The following TLK1 variants were observed in gnomAD, a reference collection of about 807,000 sequenced individuals.
The protein encoded by TLK1 is serine/threonine-protein kinase tousled-like 1.
In TLK1, 24 loss-of-function variants were observed where a neutral mutation model predicts 105.3. The ratio of observed to expected loss-of-function variants is 0.23; its 90% CI spans 0.17 to 0.32. TLK1 has a LOEUF of 0.32. TLK1 is among the 10% of genes least tolerant of loss of function. The pLI, the probability that TLK1 is intolerant of heterozygous loss-of-function variation, is 1.00. For synonymous variants in TLK1, 321 were observed against 310.4 expected (o/e 1.03, Z -0.36); for missense variants, 558 against 910.5 (o/e 0.61, Z 4.98).
intron 3 of TLK1, among the ~76,000 whole-genome samples, chr2:171,066,463 A>T (rs977327770): frequency 6.6e-6 from 1 of 152,208 alleles, no homozygotes; most frequent in African/African-American, 2.4e-5. Context: ...AAAGTATGCC[A>T]CCTCATACAT....
At chr2:171,071,722 T>A (rs932895711) in intron 3 of TLK1, among the ~76,000 whole-genome samples, 1 of 152,222 alleles carries the variant, frequency 6.6e-6, no homozygotes, top group Non-Finnish European at 1.5e-5. Flanking sequence ...CTTTTTAGAT[T>A]TCAGTCTTTA....
intron 2 of TLK1, among the ~76,000 whole-genome samples, chr2:171,096,001 C>T (rs190948460): frequency 7.9e-5 from 12 of 151,368 alleles, no homozygotes; most frequent in East Asian, 5.8e-4. Context: ...AATATAGTAC[C>T]GGAAATCCTA....
At chr2:171,117,984 G>A (rs536482194) in intron 1 of TLK1, 127 bp from the exon 2 acceptor site, 4 of 521,926 alleles carry the variant, frequency 7.7e-6, no homozygotes, top group East Asian at 3.4e-5. Context: ...ACAAGCAGAC[G>A]AAATTGAGAG....
At chr2:171,156,395 T>C (rs937027060) in intron 1 of TLK1, among the ~76,000 whole-genome samples, 1 of 152,226 alleles carries the variant, frequency 6.6e-6, no homozygotes, top group Non-Finnish European at 1.5e-5. Context: ...ATATTTGAAA[T>C]TGTCATTTAA....
rs1305598271 is a variant in TLK1, at chr2:171,037,755, TTG to T, written c.1169+8417_1169+8418del. ...CATTTTTATATATTATATGTTGTGT[TTG>T]TGTTACTATTTTAAGATTTGTGCAT... On this transcript the variant is annotated intron_variant, in intron 11 of 20. Transcript: ENST00000431350. Among the ~76,000 whole-genome samples the T allele has an allele frequency of 5.9e-5, 9 of 152,222 alleles. No homozygotes were observed. In the South Asian group the frequency reaches 1.4e-3, roughly 25 times the overall value.
At chr2:171,168,110 T>C (rs1279143622) in intron 1 of TLK1, among the ~76,000 whole-genome samples, 2 of 152,128 alleles carry the variant, frequency 1.3e-5, no homozygotes, top group African/African-American at 4.8e-5. Flanking sequence ...AGCATAAATT[T>C]TTTTGTAGGC....
intron 8 of TLK1, 33 bp from the exon 9 acceptor site, chr2:171,050,207 G>C (rs780982594): frequency 6.9e-7 from 1 of 1,456,802 alleles, no homozygotes; most frequent in South Asian, 1.3e-5. Flanking sequence ...AAGAGGTCTA[G>C]ACTGGGGAAT....
intron 1 of TLK1, among the ~76,000 whole-genome samples, chr2:171,176,044 C>T (rs756962464): frequency 3.9e-5 from 6 of 152,086 alleles, no homozygotes; most frequent in Non-Finnish European, 7.4e-5. Context: ...TCAAGCGATT[C>T]TCCTGCCTCA....
At chr2:171,061,262 G>T in intron 3 of TLK1, 106 bp from the exon 4 acceptor site, 1 of 891,374 alleles carries the variant, frequency 1.1e-6, no homozygotes, top group Non-Finnish European at 1.7e-6. Context: ...GCATTCAGTA[G>T]TGCTCAAGAG....
rs1182043467 is a variant in TLK1 at position 170,992,407 on chromosome 2, T to C, written c.*1373A>G. 1.3e-5 allele frequency: 2 copies of C among 152,550 alleles called. No individual in the cohort carries two copies. The highest frequency in any genetic ancestry group is 4.8e-5 in the African/African-American group (2 of 41,450). 9.4% of individuals were successfully genotyped at this position (152,550 alleles called of 1,614,324 possible). On this transcript the variant is annotated 3_prime_UTR_variant, in exon 21 of 21. Coordinates refer to ENST00000431350, the MANE Select transcript of TLK1 (RefSeq NM_012290.5). ...AATGTGACAATAAAGAAAAAGTCCT[T>C]ACAGGAGTGAAATACAGCATCCTGA... is the stretch of plus-strand genomic sequence containing the variant.
chr2:171,183,844 T>TAGG lies in TLK1; in HGVS notation c.-6+47298_-6+47300dup, dbSNP rs1482581728. Among the ~76,000 whole-genome samples the TAGG allele has an allele frequency of 2.0e-5, 3 of 152,234 alleles. No homozygotes were observed. In the East Asian group the frequency reaches 5.8e-4, roughly 29 times the overall value. On this transcript the variant is annotated intron_variant, in intron 1 of 20. Coordinates refer to the TLK1 transcript ENST00000521943. ...TTTATTCTTCATTTATGTCATGAAG[T>TAGG]AGGACTCTAAATTAACATTTTTTTC... is the stretch of plus-strand genomic sequence containing the variant.
chr2:171,130,985 T>G (rs563413211), intron 1 of TLK1, among the ~76,000 whole-genome samples: 5 of 151,086 alleles, frequency 3.3e-5, no homozygotes, highest in African/African-American at 1.2e-4. Flanking sequence ...ATCAAAATTT[T>G]AAGATTCTAA....
intron 1 of TLK1, among the ~76,000 whole-genome samples, chr2:171,140,119 A>G (rs58028937): frequency 6.6e-6 from 1 of 152,104 alleles, no homozygotes; most frequent in African/African-American, 2.4e-5. Context: ...TAACCAATTG[A>G]TAATTTAAAC....
At chr2:171,060,084 A>G (rs187505706) in intron 4 of TLK1, 55 of 1,547,364 alleles carry the variant, frequency 3.6e-5, no homozygotes, top group Admixed American at 2.3e-4. Flanking sequence ...TAAAGCAAAT[A>G]TAAGTGAGGA....
intron 1 of TLK1, among the ~76,000 whole-genome samples, chr2:171,128,243 A>T (rs1436564071): frequency 6.6e-6 from 1 of 152,174 alleles, no homozygotes; most frequent in Non-Finnish European, 1.5e-5. Context: ...AAAAATGAAA[A>T]TAATTTAAAT....
chr2:171,011,466 G>T lies in TLK1; in HGVS notation c.1335-12C>A. On this transcript the variant is annotated splice_polypyrimidine_tract_variant and intron_variant, in intron 13 of 20. Transcript: ENST00000431350. ...GGTGATCTTTGAACCTTAGAGGTGG[G>T]GGCAAAAAACAGACATATTAAAACA... The T allele has an allele frequency of 6.3e-7, 1 of 1,599,484 alleles. No individual in the cohort carries two copies. The highest frequency in any genetic ancestry group is 8.5e-7 in the Non-Finnish European group (1 of 1,173,606).
chr2:171,081,699 C>T (rs1688760655), intron 3 of TLK1: 1 of 1,304,254 alleles, frequency 7.7e-7, no homozygotes, highest in Non-Finnish European at 1.0e-6. Flanking sequence ...CAGCTGCCTG[C>T]CAGTTGTTTC....
At chr2:171,129,847 T>TAACAC (rs1427823540) in intron 1 of TLK1, among the ~76,000 whole-genome samples, 7 of 150,832 alleles carry the variant, frequency 4.6e-5, no homozygotes, top group Admixed American at 4.6e-4. Context: ...TAACATAACA[T>TAACAC]AACATAACAT....
intron 1 of TLK1, among the ~76,000 whole-genome samples, chr2:171,146,137 GT>G (rs1691781342): frequency 1.3e-5 from 2 of 152,104 alleles, no homozygotes; most frequent in Non-Finnish European, 2.9e-5. Context: ...TCAGAAAGCA[GT>G]AACTTTTAAA....
Sources: gnomAD v4.1 joint callset for allele counts (sites outside exome capture counted in the v4.1 genomes callset) on GRCh38, gnomAD v4.1.1 for gene constraint, MANE v1.5 for transcripts, NCBI Gene and HGNC (gene_info 2026-07-23, HGNC 2026-07-21) for gene names.